Variants in CAMK1D observed in about 807,000 individuals in gnomAD.
CAMK1D encodes the protein calcium/calmodulin-dependent protein kinase type 1D.
In CAMK1D, 9 loss-of-function variants were observed where a neutral mutation model predicts 47.7. That is an observed-to-expected ratio of 0.19 (90% confidence interval 0.11 to 0.33). CAMK1D has a LOEUF of 0.33. Ranked by LOEUF, CAMK1D falls within the 10% of genes least tolerant of loss-of-function variation. CAMK1D has a pLI of 1.00. For missense variants in CAMK1D, 291 were observed against 488.7 expected, an observed-to-expected ratio of 0.60 and a Z score of 3.81; for synonymous variants, 184 against 184.9, an observed-to-expected ratio of 0.99 and a Z score of 0.04.
intron 2 of CAMK1D, among the ~76,000 whole-genome samples, chr10:12,566,449 G>C (rs1837127500): frequency 6.6e-6 from 1 of 152,112 alleles, no homozygotes; most frequent in African/African-American, 2.4e-5. Flanking sequence ...CATTTTTCTT[G>C]CTGACTAAAC....
chr10:12,751,119 AAGAT>A (rs1318336317), intron 3 of CAMK1D, among the ~76,000 whole-genome samples: 89 of 81,918 alleles, frequency 1.1e-3, no homozygotes, highest in Non-Finnish European at 1.8e-3. Context: ...AAGATAAGAT[AAGAT>A]AAGAAGGCTT....
At chr10:12,676,925 CA>C (rs1391629865) in intron 3 of CAMK1D, among the ~76,000 whole-genome samples, 1 of 152,178 alleles carries the variant, frequency 6.6e-6, no homozygotes, top group African/African-American at 2.4e-5. Context: ...CCATTTACTA[CA>C]ATCATTATGT....
At chr10:12,688,382 T>C (rs1292691523) in intron 3 of CAMK1D, among the ~76,000 whole-genome samples, 2 of 152,216 alleles carry the variant, frequency 1.3e-5, no homozygotes, top group African/African-American at 2.4e-5. Flanking sequence ...TATTGAAATA[T>C]GATTAAATAC....
intron 1 of CAMK1D, among the ~76,000 whole-genome samples, chr10:12,411,525 G>GA (rs902909965): frequency 2.1e-4 from 31 of 148,472 alleles, no homozygotes; most frequent in African/African-American, 4.9e-4. Context: ...TGTGCCGATG[G>GA]AAAAAAAAAT....
chr10:12,644,359 G>C (rs1158847544), intron 2 of CAMK1D, among the ~76,000 whole-genome samples: 1 of 152,186 alleles, frequency 6.6e-6, no homozygotes, highest in Non-Finnish European at 1.5e-5. Flanking sequence ...ATTATGTTAA[G>C]TGACTAAGCC....
chr10:12,523,203 G>A (rs1835496532), intron 1 of CAMK1D, among the ~76,000 whole-genome samples: 1 of 150,468 alleles, frequency 6.6e-6, no homozygotes, highest in African/African-American at 2.5e-5. Context: ...TGGGGCAGAG[G>A]TGCTCCCCAC....
intron 3 of CAMK1D, among the ~76,000 whole-genome samples, chr10:12,730,386 G>T (rs965883163): frequency 2.0e-5 from 3 of 152,154 alleles, no homozygotes; most frequent in South Asian, 2.1e-4. Flanking sequence ...GATTTGGGGG[G>T]AAGATCAGGA....
intron 3 of CAMK1D, among the ~76,000 whole-genome samples, chr10:12,743,053 C>G (rs1255419145): frequency 2.0e-5 from 3 of 152,036 alleles, no homozygotes. Context: ...AACAAGAAAC[C>G]AAGACAAGGC....
chr10:12,503,041 CATGTGTGT>C (rs950160305), intron 1 of CAMK1D, among the ~76,000 whole-genome samples: 2 of 152,020 alleles, frequency 1.3e-5, no homozygotes, highest in Non-Finnish European at 2.9e-5. Context: ...TGTGTGTGTG[CATGTGTGT>C]ATACTTGTGT....
At chr10:12,639,684 A>G (rs1349046108) in intron 2 of CAMK1D, among the ~76,000 whole-genome samples, 1 of 152,072 alleles carries the variant, frequency 6.6e-6, no homozygotes, top group Non-Finnish European at 1.5e-5. Context: ...CTTTATAATT[A>G]ACATTTTGTT....
intron 3 of CAMK1D, among the ~76,000 whole-genome samples, chr10:12,755,124 A>G (rs1165609852): frequency 1.3e-5 from 2 of 152,238 alleles, no homozygotes; most frequent in South Asian, 2.1e-4. Context: ...TTCTAAGAAT[A>G]AAGATTTTAA....
chr10:12,490,326 G>A (rs972083578), intron 1 of CAMK1D, among the ~76,000 whole-genome samples: 7 of 152,170 alleles, frequency 4.6e-5, no homozygotes, highest in East Asian at 1.9e-4. Flanking sequence ...GCGCTGGGAC[G>A]GGGTTATTCT....
At chr10:12,654,598 G>A (rs1840067184) in intron 2 of CAMK1D, among the ~76,000 whole-genome samples, 1 of 152,152 alleles carries the variant, frequency 6.6e-6, no homozygotes, top group Non-Finnish European at 1.5e-5. Flanking sequence ...AATATTAGTT[G>A]CTAATACTAT....
At chr10:12,514,917 C>A (rs1247562245) in intron 1 of CAMK1D, among the ~76,000 whole-genome samples, 2 of 152,222 alleles carry the variant, frequency 1.3e-5, no homozygotes, top group Non-Finnish European at 2.9e-5. Context: ...GTGGTATAAT[C>A]TTGGCTCACT....
intron 3 of CAMK1D, among the ~76,000 whole-genome samples, chr10:12,744,850 G>A (rs1835592454): frequency 6.6e-6 from 1 of 152,096 alleles, no homozygotes; most frequent in African/African-American, 2.4e-5. Context: ...GCAGTGAGCT[G>A]TGGTCATGCC....
At chr10:12,727,985 C>T (rs1169040357) in intron 3 of CAMK1D, among the ~76,000 whole-genome samples, 1 of 152,066 alleles carries the variant, frequency 6.6e-6, no homozygotes, top group Non-Finnish European at 1.5e-5. Context: ...GGGCTGGTCT[C>T]GGACTCCTGA....
chr10:12,586,837 C>G (rs975169499), intron 2 of CAMK1D, among the ~76,000 whole-genome samples: 1 of 152,180 alleles, frequency 6.6e-6, no homozygotes, highest in South Asian at 2.1e-4. Context: ...AGCAAACCTC[C>G]AAGTCCCTCA....
At chr10:12,605,862 C>A (rs1838443044) in intron 2 of CAMK1D, among the ~76,000 whole-genome samples, 1 of 152,182 alleles carries the variant, frequency 6.6e-6, no homozygotes, top group Non-Finnish European at 1.5e-5. Flanking sequence ...TCAGCCTCTC[C>A]CCGGGGCCTG....
intron 3 of CAMK1D, among the ~76,000 whole-genome samples, chr10:12,686,390 C>T (rs778716344): frequency 2.9e-4 from 44 of 152,072 alleles, no homozygotes; most frequent in Non-Finnish European, 5.9e-4. Context: ...GGTGCGATCT[C>T]GGCTCACTGC....
Sources: allele counts gnomAD v4.1 joint callset (sites outside exome capture counted in the v4.1 genomes callset), GRCh38; gene constraint gnomAD v4.1.1; transcripts MANE v1.5; gene names NCBI Gene and HGNC (gene_info 2026-07-23, HGNC 2026-07-21).